The following GSG1L variants were observed in gnomAD, a reference collection of about 807,000 sequenced individuals.
The protein encoded by GSG1L is germ cell-specific gene 1-like protein.
A neutral mutation model predicts 42.1 loss-of-function variants in GSG1L; 24 were observed. That is an observed-to-expected ratio of 0.57 (90% CI 0.41 to 0.80). GSG1L has a LOEUF of 0.80. Ranked by LOEUF, GSG1L falls within the 30% of genes least tolerant of loss-of-function variation. GSG1L has a pLI of 0.00. For missense variants in GSG1L, 445 were observed against 472.2 expected, an observed-to-expected ratio of 0.94 and a Z score of 0.53; for synonymous variants, 215 against 203.5, an observed-to-expected ratio of 1.06 and a Z score of -0.48.
intron 1 of GSG1L, among the ~76,000 whole-genome samples, chr16:28,009,975 C>T (rs2085694761): frequency 6.6e-6 from 1 of 151,944 alleles, no homozygotes; most frequent in East Asian, 1.9e-4. Context: ...GCAAGTGCCC[C>T]AATGTCCTCA....
At chr16:27,848,201 G>A (rs1308297956) in intron 3 of GSG1L, among the ~76,000 whole-genome samples, 1 of 152,198 alleles carries the variant, frequency 6.6e-6, no homozygotes, top group Non-Finnish European at 1.5e-5. Flanking sequence ...GACTCACTAT[G>A]TAGGCCCACT....
At chr16:27,798,982 C>T (rs59538072) in intron 6 of GSG1L, among the ~76,000 whole-genome samples, 1 of 152,116 alleles carries the variant, frequency 6.6e-6, no homozygotes, top group Non-Finnish European at 1.5e-5. Context: ...ACTAAGTGAG[C>T]TAAATCATGC....
At chr16:27,987,001 G>A (rs2085392760) in intron 1 of GSG1L, among the ~76,000 whole-genome samples, 1 of 152,146 alleles carries the variant, frequency 6.6e-6, no homozygotes, top group African/African-American at 2.4e-5. Context: ...CAGATCACCT[G>A]AGGTCAGGAG....
chr16:27,985,347 C>A (rs933616378), intron 1 of GSG1L, among the ~76,000 whole-genome samples: 29 of 152,024 alleles, frequency 1.9e-4, no homozygotes, highest in Non-Finnish European at 1.2e-4. Context: ...TTAGTTCACT[C>A]GAGAGCTGGT....
chr16:28,021,156 G>A (rs770852244), intron 1 of GSG1L, among the ~76,000 whole-genome samples: 59 of 152,106 alleles, frequency 3.9e-4, no homozygotes, highest in Admixed American at 1.6e-3. Flanking sequence ...ATGGTTCTGC[G>A]GGCTATGCAG....
chr16:28,032,651 T>A (rs2085979015), intron 1 of GSG1L, among the ~76,000 whole-genome samples: 1 of 152,092 alleles, frequency 6.6e-6, no homozygotes, highest in African/African-American at 2.4e-5. Flanking sequence ...TCCCACTAAA[T>A]AAACAAACAA....
intron 2 of GSG1L, among the ~76,000 whole-genome samples, chr16:27,925,741 G>C (rs1320478483): frequency 1.3e-5 from 2 of 152,166 alleles, no homozygotes; most frequent in African/African-American, 4.8e-5. Context: ...CTTCACGTTA[G>C]GACAGGAACC....
rs1262393218 is a variant in GSG1L, at chr16:28,063,175, C to A, written c.250G>T (p.Gly84Cys). The change falls in exon 1 of 7, where the codon GGC (glycine) becomes TGC (cysteine). Residue 84 changes from glycine to cysteine, a missense_variant. Transcript: ENST00000447459. The surrounding 1 kb of genome is among the most constrained non-coding windows in gnomAD (Gnocchi z 5.8). ...CCGGTCTCCCAGCTGTAGAGCGCGCCGCCAGGGGGGCCGTTCCCCGAGGCG... is the reference window on the plus strand; with the variant it reads ...CCGGTCTCCCAGCTGTAGAGCGCGCAGCCAGGGGGGCCGTTCCCCGAGGCG... ...ATASGNGPPG[G>C]ALYSWETGDD... The A allele has an allele frequency of 8.2e-6, 11 of 1,346,680 alleles. No individual in the cohort carries two copies. Among genetic ancestry groups the A allele is most frequent in the Non-Finnish European group, 1.1e-5 (11 of 1,043,756 alleles). 83.4% of individuals were successfully genotyped at this position (1,346,680 alleles called of 1,614,324 possible). A position where few individuals can be genotyped will look rare whatever the true frequency, so the allele number is the denominator to read the frequency against.
At chr16:27,901,287 G>A (rs559506555) in intron 2 of GSG1L, among the ~76,000 whole-genome samples, 22 of 152,198 alleles carry the variant, frequency 1.4e-4, no homozygotes, top group Non-Finnish European at 2.6e-4. Context: ...TATAAGGTGT[G>A]GTGGAAAAAA....
intron 2 of GSG1L, among the ~76,000 whole-genome samples, chr16:27,922,897 C>T (rs1056551916): frequency 2.6e-5 from 4 of 152,188 alleles, no homozygotes; most frequent in African/African-American, 7.2e-5. Context: ...AAACAATCCT[C>T]CTGCCTCTGC....
intron 2 of GSG1L, among the ~76,000 whole-genome samples, chr16:27,928,162 ACAAG>A (rs1172802480): frequency 1.3e-5 from 2 of 152,214 alleles, no homozygotes; most frequent in Non-Finnish European, 2.9e-5. Context: ...TGTGGACTTC[ACAAG>A]CATTGTCTTC....
intron 1 of GSG1L, among the ~76,000 whole-genome samples, chr16:28,032,961 A>G (rs566104944): frequency 1.3e-5 from 2 of 152,302 alleles, no homozygotes; most frequent in South Asian, 4.1e-4. Flanking sequence ...TGTTAAATGT[A>G]AGCCACGTCC....
At chr16:27,882,789 C>G (rs2083975978) in intron 3 of GSG1L, among the ~76,000 whole-genome samples, 1 of 152,100 alleles carries the variant, frequency 6.6e-6, no homozygotes, top group Admixed American at 6.6e-5. Flanking sequence ...TTAGAATTGT[C>G]TGATGAATAC....
At chr16:27,941,665 A>C (rs2084799053) in intron 2 of GSG1L, among the ~76,000 whole-genome samples, 1 of 28,378 alleles carries the variant, frequency 3.5e-5, no homozygotes, top group Non-Finnish European at 7.9e-5. Flanking sequence ...AGAGCATGTT[A>C]GTGTATCTTC....
intron 3 of GSG1L, among the ~76,000 whole-genome samples, chr16:27,865,538 T>C (rs900529100): frequency 7.0e-5 from 1 of 14,276 alleles, no homozygotes; most frequent in African/African-American, 3.8e-4. Context: ...TATATATATA[T>C]ATATATATAT....
rs74013528 is a variant in GSG1L at position 27,811,283 on chromosome 16, G to C, written c.831-3729C>G. Among the ~76,000 whole-genome samples, 837 of 151,908 alleles carry C rather than the reference G, an allele frequency of 5.5e-3. 11 individuals are homozygous for C. The highest frequency in any genetic ancestry group is 0.018 in the African/African-American group (758 of 41,426). On this transcript the variant is annotated intron_variant, in intron 5 of 6. Transcript: ENST00000447459. ...ATCTCACCCACCTTTTTTTCTTATA[G>C]CTGTATATAAAAGAGTAATTAATAT... is the stretch of plus-strand genomic sequence containing the variant.
intron 4 of GSG1L, 75 bp downstream of exon 4, chr16:27,844,875 G>A: frequency 1.9e-6 from 1 of 529,520 alleles, no homozygotes; most frequent in Admixed American, 2.8e-5. Context: ...CACCCCACTG[G>A]GCTGAGCTGC....
rs140830835 is a variant in GSG1L, at chr16:28,015,121, C to G, written c.349+47955G>C. 3.4e-3 allele frequency among the ~76,000 whole-genome samples: 525 copies of G among 152,324 alleles called. 2 individuals carry two copies. The highest frequency in any genetic ancestry group is 6.6e-3 in the Non-Finnish European group (446 of 68,026). ...ACAAAAGTCTTAAAGGCAGAGAGTG[C>G]CTTCTTTGCCTGGGCAAGGAACCAG... is the stretch of plus-strand genomic sequence containing the variant. On this transcript the variant is annotated intron_variant, in intron 1 of 6. Transcript: ENST00000447459.
chr16:27,958,523 T>C (rs2085032384), intron 2 of GSG1L, among the ~76,000 whole-genome samples: 1 of 152,082 alleles, frequency 6.6e-6, no homozygotes, highest in Non-Finnish European at 1.5e-5. Flanking sequence ...TAGCAAACCA[T>C]GATTTTATAT....
Sources: gnomAD v4.1 joint callset for allele counts (sites outside exome capture counted in the v4.1 genomes callset) on GRCh38, gnomAD v4.1.1 for gene constraint, Gnocchi (gnomAD v3.1) non-coding constraint, MANE v1.5 for transcripts, NCBI Gene and HGNC (gene_info 2026-07-23, HGNC 2026-07-21) for gene names.